PCCA: variants seen among roughly 807,000 people sequenced by gnomAD.
PCCA encodes propionyl-CoA carboxylase subunit alpha, also known as propionyl-CoA carboxylase alpha chain, mitochondrial.
A neutral mutation model predicts 101.3 loss-of-function variants in PCCA; 74 were observed. The ratio of observed to expected loss-of-function variants is 0.73; its 90% CI spans 0.61 to 0.89. PCCA has a LOEUF of 0.89. Among genes scored for constraint, PCCA ranks in the 40% least tolerant of loss-of-function variants. PCCA has a pLI of 0.00. For synonymous variants in PCCA, 294 were observed against 313.6 expected (o/e 0.94, Z 0.66); for missense variants, 891 against 907.0 (o/e 0.98, Z 0.23).
intron 18 of PCCA, among the ~76,000 whole-genome samples, chr13:100,343,865 A>C (rs551155539): frequency 4.6e-5 from 7 of 152,318 alleles, no homozygotes; most frequent in African/African-American, 1.7e-4. Flanking sequence ...ACATGAGGCC[A>C]GGAGTTCGCG....
At chr13:100,106,740 C>T (rs1187054705) in intron 2 of PCCA, among the ~76,000 whole-genome samples, 1 of 152,010 alleles carries the variant, frequency 6.6e-6, no homozygotes, top group East Asian at 1.9e-4. Flanking sequence ...TAAAGAGATA[C>T]GAGGGATAAA....
chr13:100,507,816 C>A (rs1480749811), intron 21 of PCCA, among the ~76,000 whole-genome samples: 3 of 152,104 alleles, frequency 2.0e-5, no homozygotes, highest in Non-Finnish European at 4.4e-5. Flanking sequence ...ACCACCACGC[C>A]TGGCTAATTT....
At chr13:100,167,886 C>T (rs1024379861) in intron 6 of PCCA, among the ~76,000 whole-genome samples, 12 of 152,280 alleles carry the variant, frequency 7.9e-5, no homozygotes, top group Non-Finnish European at 1.6e-4. Flanking sequence ...CCTGCCTCAG[C>T]CTCCTGAGTA....
At chr13:100,387,999 T>A (rs1175273812) in intron 19 of PCCA, among the ~76,000 whole-genome samples, 2 of 152,222 alleles carry the variant, frequency 1.3e-5, no homozygotes, top group Non-Finnish European at 2.9e-5. Flanking sequence ...TTCAAGTGAT[T>A]TTTAGTATTA....
intron 2 of PCCA, among the ~76,000 whole-genome samples, chr13:100,109,122 A>T (rs545948934): frequency 6.6e-6 from 1 of 152,380 alleles, no homozygotes; most frequent in African/African-American, 2.4e-5. Flanking sequence ...AGGGGTGAAG[A>T]ACAGTAGCCA....
Position 100,155,165 on chromosome 13 carries a change from A to AC in PCCA, c.414+73_414+74insC. 4 of 985,036 alleles carry AC rather than the reference A, an allele frequency of 4.1e-6. No homozygotes were observed. In the Admixed American group the frequency reaches 7.1e-5, roughly 18 times the overall value. 61.0% of individuals were successfully genotyped at this position (985,036 alleles called of 1,614,324 possible). On this transcript the variant is annotated intron_variant, in intron 5 of 23. Coordinates refer to ENST00000376285, the MANE Select transcript of PCCA (RefSeq NM_000282.4). ...GCAGAAAGCTAGAGTTTGTATTTAA[A>AC]AAAAAAAATAGGAAAGAATGATTGA...
At chr13:100,323,577 A>G (rs781419744) in intron 16 of PCCA, among the ~76,000 whole-genome samples, 4 of 151,798 alleles carry the variant, frequency 2.6e-5, no homozygotes, top group African/African-American at 4.8e-5. Context: ...CGGCCTCCCA[A>G]AGTGCTGGGA....
At chr13:100,235,140 T>A (rs1376683910) in intron 7 of PCCA, among the ~76,000 whole-genome samples, 4 of 152,134 alleles carry the variant, frequency 2.6e-5, no homozygotes, top group Non-Finnish European at 5.9e-5. Context: ...GGATAAACTT[T>A]TACCCCTTAC....
chr13:100,134,345 A>G (rs985954067), intron 4 of PCCA, among the ~76,000 whole-genome samples: 2 of 152,114 alleles, frequency 1.3e-5, no homozygotes, highest in Non-Finnish European at 2.9e-5. Context: ...CCATTTTTCC[A>G]AAACTGCTTC....
rs376304478 is a variant in PCCA at position 100,136,462 on chromosome 13, A to C, written c.301-18517A>C. Among the ~76,000 whole-genome samples the C allele has an allele frequency of 4.6e-5, 7 of 152,296 alleles. No homozygotes were observed. In the East Asian group the frequency reaches 1.4e-3, roughly 29 times the overall value. On this transcript the variant is annotated intron_variant, in intron 4 of 23. Coordinates refer to ENST00000376285, the MANE Select transcript of PCCA (RefSeq NM_000282.4). ...TGGCCTCCCAAAGTGCTGGGATTAC[A>C]GGTGTGAGCCACGCGCCCGGCCTAT...
At chr13:100,127,118 T>A (rs1320640892) in intron 4 of PCCA, among the ~76,000 whole-genome samples, 3 of 152,248 alleles carry the variant, frequency 2.0e-5, no homozygotes, top group Non-Finnish European at 4.4e-5. Flanking sequence ...AGATGGACTA[T>A]GACTTTATTT....
chr13:100,393,206 T>G (rs1168168401), intron 19 of PCCA, among the ~76,000 whole-genome samples: 1 of 152,168 alleles, frequency 6.6e-6, no homozygotes, highest in Non-Finnish European at 1.5e-5. Context: ...TTATATGAGC[T>G]CACCATAACC....
intron 21 of PCCA, among the ~76,000 whole-genome samples, chr13:100,468,806 CTT>C (rs2082734767): frequency 6.6e-6 from 1 of 152,118 alleles, no homozygotes; most frequent in South Asian, 2.1e-4. Flanking sequence ...GGGCGGATCA[CTT>C]GAGGTCAGGA....
intron 20 of PCCA, among the ~76,000 whole-genome samples, chr13:100,433,397 G>A (rs1202004056): frequency 6.6e-6 from 1 of 152,104 alleles, no homozygotes; most frequent in Non-Finnish European, 1.5e-5. Context: ...AAAGCATTCC[G>A]AATACTTCTA....
At chr13:100,127,241 GC>G (rs1354422899) in intron 4 of PCCA, among the ~76,000 whole-genome samples, 1 of 151,990 alleles carries the variant, frequency 6.6e-6, no homozygotes, top group Non-Finnish European at 1.5e-5. Flanking sequence ...AAACCATCCA[GC>G]TTTTTTTAAT....
At chr13:100,278,092 A>T (rs2063796811) in intron 12 of PCCA, among the ~76,000 whole-genome samples, 1 of 152,214 alleles carries the variant, frequency 6.6e-6, no homozygotes, top group East Asian at 1.9e-4. Flanking sequence ...CTATCTTTAG[A>T]AGTGACAGAA....
At chr13:100,242,438 A>G (rs1344683020) in intron 8 of PCCA, among the ~76,000 whole-genome samples, 1 of 152,226 alleles carries the variant, frequency 6.6e-6, no homozygotes, top group Non-Finnish European at 1.5e-5. Flanking sequence ...ATTCTACAAT[A>G]GTAGTTGGAG....
intron 6 of PCCA, among the ~76,000 whole-genome samples, chr13:100,172,962 T>C (rs925130484): frequency 6.6e-6 from 1 of 152,226 alleles, no homozygotes; most frequent in African/African-American, 2.4e-5. Flanking sequence ...TTATACAGCT[T>C]GTTGTGGCAC....
At chr13:100,316,974 A>G (rs1020312265) in intron 16 of PCCA, among the ~76,000 whole-genome samples, 68 of 151,952 alleles carry the variant, frequency 4.5e-4, no homozygotes, top group Non-Finnish European at 1.0e-4. Flanking sequence ...GGGTTTCACC[A>G]TGTTGGTCAG....
Sources: gnomAD v4.1 joint callset for allele counts (sites outside exome capture counted in the v4.1 genomes callset) on GRCh38, gnomAD v4.1.1 for gene constraint, MANE v1.5 for transcripts, NCBI Gene and HGNC (gene_info 2026-07-23, HGNC 2026-07-21) for gene names.